AXDND1: variants seen among roughly 807,000 people sequenced by gnomAD.
The protein encoded by AXDND1 is axonemal dynein light chain domain-containing protein 1.
Under a neutral mutation model 137.5 loss-of-function variants are expected in AXDND1, and 110 were observed. That is an observed-to-expected ratio of 0.80 (90% CI 0.69 to 0.94). AXDND1 has a LOEUF of 0.94. AXDND1 is among the 40% of genes least tolerant of loss of function. The pLI, the probability that AXDND1 is intolerant of heterozygous loss-of-function variation, is 0.00. For synonymous variants in AXDND1, 414 were observed against 399.7 expected (o/e 1.04, Z -0.43); for missense variants, 1,191 against 1,169.8 (o/e 1.02, Z -0.26).
rs533675772 is a variant in AXDND1, at chr1:179,433,934, T to C, written c.1563+1592T>C. Among the ~76,000 whole-genome samples, 194 of 151,236 alleles carry C rather than the reference T, an allele frequency of 1.3e-3. 1 individual carries two copies. The highest frequency in any genetic ancestry group is 2.3e-3 in the Non-Finnish European group (157 of 67,900). On this transcript the variant is annotated intron_variant, in intron 15 of 25. Transcript: ENST00000367618. ...TTGTTAATTTTCTGTCTCATCAATC[T>C]GTCTAATATTGACAGTGGGGTGTTA...
intron 12 of AXDND1, among the ~76,000 whole-genome samples, chr1:179,425,713 GA>G (rs1656446055): frequency 6.6e-6 from 1 of 152,122 alleles, no homozygotes; most frequent in Non-Finnish European, 1.5e-5. Flanking sequence ...CAGAAGCAGG[GA>G]GGGAGATTGA....
At chr1:179,397,822 T>G (rs915918607) in intron 11 of AXDND1, among the ~76,000 whole-genome samples, 2 of 152,140 alleles carry the variant, frequency 1.3e-5, no homozygotes, top group African/African-American at 4.8e-5. Context: ...TGTAGAACAT[T>G]TTTTCAGCTC....
At chr1:179,401,778 T>C (rs1045502405) in intron 11 of AXDND1, among the ~76,000 whole-genome samples, 24 of 152,156 alleles carry the variant, frequency 1.6e-4, no homozygotes, top group African/African-American at 5.6e-4. Context: ...TCTCTTTGCC[T>C]GCCGCTATGT....
chr1:179,427,512 A>G (rs1181061219), intron 12 of AXDND1, among the ~76,000 whole-genome samples: 1 of 152,178 alleles, frequency 6.6e-6, no homozygotes, highest in Non-Finnish European at 1.5e-5. Flanking sequence ...CCTGCCCATA[A>G]AACTTCATGA....
chr1:179,372,364 T>A (rs1282764401), intron 4 of AXDND1, among the ~76,000 whole-genome samples: 1 of 152,186 alleles, frequency 6.6e-6, no homozygotes, highest in African/African-American at 2.4e-5. Flanking sequence ...AGGAAGTACC[T>A]GTGCGAATAA....
At chr1:179,444,631 A>G (rs1659466969) in intron 15 of AXDND1, among the ~76,000 whole-genome samples, 1 of 150,728 alleles carries the variant, frequency 6.6e-6, no homozygotes, top group African/African-American at 2.5e-5. Context: ...AAACAGATAT[A>G]TTACAACCTT....
chr1:179,411,277 C>G lies in AXDND1; in HGVS notation c.1230+11C>G. 4 of 1,603,302 alleles carry G rather than the reference C, an allele frequency of 2.5e-6. No homozygotes were observed. Among genetic ancestry groups the G allele is most frequent in the Non-Finnish European group, 3.4e-6 (4 of 1,177,448 alleles). On this transcript the variant is annotated intron_variant, in intron 12 of 25. Coordinates refer to ENST00000367618, the MANE Select transcript of AXDND1 (RefSeq NM_144696.6). ...GAATTGGCCCTGAAGGTTAGTTCATCTGGATTCACAACTCACACTTCTTTT... is the reference window on the plus strand; with the variant it reads ...GAATTGGCCCTGAAGGTTAGTTCATGTGGATTCACAACTCACACTTCTTTT...
rs113061326 is a variant in AXDND1 at position 179,456,324 on chromosome 1, A to C, written c.1798+11120A>C. ...GTATTGGCCTCCACCACCACAGGGG[A>C]CAGAACTTCTGCCTCCAAAGTTTCC... On this transcript the variant is annotated intron_variant, in intron 16 of 25. Transcript: ENST00000367618. 6,931 of 753,972 alleles carry C rather than the reference A, an allele frequency of 9.2e-3. 341 individuals carry two copies. The African/African-American group carries it at 0.1, about 11-fold the overall frequency. The allele number at this position is 753,972 out of a possible 1,614,324, so 46.7% of individuals were successfully genotyped here. A position where few individuals can be genotyped will look rare whatever the true frequency, so the allele number is the denominator to read the frequency against.
chr1:179,533,837 G>A lies in AXDND1; in HGVS notation c.2758G>A (p.Glu920Lys). ...KQGTLAQKYL[E>K]AMAVIEHMQE... ...AGGTACATTGGCCCAAAAATATCTT[G>A]AAGCAATGGCTGTAATTGAACATAT... Residue 920 changes from glutamate (E) to lysine (K), a missense_variant, in exon 24 of 26, where the codon GAA (glutamate) becomes AAA (lysine). Physicochemically the swap from Glu to Lys is moderately conservative, Grantham distance 56 (BLOSUM62 1). Transcript: ENST00000367618. The A allele has an allele frequency of 6.2e-7, 1 of 1,613,252 alleles. No homozygotes were observed. The highest frequency in any genetic ancestry group is 1.7e-4 in the Middle Eastern group (1 of 6,052).
At chr1:179,451,544 T>C (rs1192526164) in intron 16 of AXDND1, 3 of 152,238 alleles carry the variant, frequency 2.0e-5, no homozygotes, top group Non-Finnish European at 4.4e-5. Context: ...TTCTATTCTC[T>C]ATTAATTTTC....
rs1377158697 is a variant in AXDND1 at position 179,394,021 on chromosome 1, C to T, written c.982C>T (p.His328Tyr). Residue 328 changes from histidine to tyrosine, a missense_variant, in exon 10 of 26, where the codon CAT becomes TAT. Coordinates refer to ENST00000367618, the MANE Select transcript of AXDND1 (RefSeq NM_144696.6). ...RILEELYNFK[H>Y]VIEELTRELC... ...TTTAGAAGAATTGTATAATTTCAAG[C>T]ATGTTATTGAAGAACTGACCAGGTA... 3 of 1,605,614 alleles carry T rather than the reference C, an allele frequency of 1.9e-6. No individual in the cohort carries two copies. In the African/African-American group the frequency reaches 4.0e-5, roughly 22 times the overall value.
intron 17 of AXDND1, among the ~76,000 whole-genome samples, chr1:179,480,970 TA>T (rs1312433002): frequency 1.1e-4 from 16 of 142,428 alleles, no homozygotes; most frequent in Admixed American, 1.1e-3. Flanking sequence ...TATTCATTTT[TA>T]TTTTTTTATT....
chr1:179,445,252 C>A, intron 16 of AXDND1, 48 bp downstream of exon 16: 4 of 1,220,366 alleles, frequency 3.3e-6, no homozygotes, highest in Non-Finnish European at 4.5e-6. Context: ...AAAATGTTTC[C>A]ACAATAATTA....
At chr1:179,444,599 C>A (rs566484284) in intron 15 of AXDND1, among the ~76,000 whole-genome samples, 1 of 152,038 alleles carries the variant, frequency 6.6e-6, no homozygotes, top group South Asian at 2.1e-4. Context: ...TAGGAACTTT[C>A]CCAGTCTAGT....
At chr1:179,535,040 A>G in intron 25 of AXDND1, 78 bp downstream of exon 25, 1 of 1,583,634 alleles carries the variant, frequency 6.3e-7, no homozygotes, top group Non-Finnish European at 8.6e-7. Flanking sequence ...AATATTGTAG[A>G]AGAACATTAA....
At chr1:179,432,762 G>A (rs1368291541) in intron 15 of AXDND1, among the ~76,000 whole-genome samples, 1 of 152,050 alleles carries the variant, frequency 6.6e-6, no homozygotes, top group African/African-American at 2.4e-5. Flanking sequence ...TTAGGGGCCG[G>A]GCACGGTGGC....
chr1:179,373,721 T>G (rs947581174), intron 4 of AXDND1, among the ~76,000 whole-genome samples: 2 of 152,168 alleles, frequency 1.3e-5, no homozygotes, highest in Non-Finnish European at 2.9e-5. Flanking sequence ...AAACAAGCAA[T>G]GGAGAAAGGA....
At chr1:179,400,923 A>G (rs7513736) in intron 11 of AXDND1, among the ~76,000 whole-genome samples, 34,840 of 133,570 alleles carry the variant, frequency 0.26, 4,999 homozygotes, top group Non-Finnish European at 0.3. Flanking sequence ...AAAAAAAAAA[A>G]AAAAGAAAAA....
At chr1:179,533,260 C>T (rs549433031) in intron 23 of AXDND1, among the ~76,000 whole-genome samples, 50 of 152,172 alleles carry the variant, frequency 3.3e-4, no homozygotes, top group Middle Eastern at 3.4e-3. Context: ...TATATAGAGT[C>T]AAAATAAATT....
Sources: gnomAD v4.1 joint callset for allele counts (sites outside exome capture counted in the v4.1 genomes callset) on GRCh38, gnomAD v4.1.1 for gene constraint, MANE v1.5 for transcripts, NCBI Gene and HGNC (gene_info 2026-07-23, HGNC 2026-07-21) for gene names.